NRAP: variants seen among roughly 807,000 people sequenced by gnomAD.
The protein encoded by NRAP is nebulin related anchoring protein, also known as nebulin-related-anchoring protein.
Under a neutral mutation model 225.9 loss-of-function variants are expected in NRAP, and 189 were observed. The ratio of observed to expected loss-of-function variants is 0.84; its 90% CI spans 0.74 to 0.94. The LOEUF is 0.94. Among genes scored for constraint, NRAP ranks in the 40% least tolerant of loss-of-function variants. The pLI is 0.00. For synonymous variants in NRAP, 769 were observed against 790.7 expected (o/e 0.97, Z 0.46); for missense variants, 2,176 against 2,168.7 (o/e 1.00, Z -0.07).
In NRAP at chr10:113,654,056, C is replaced by A. The variant is rs1398626640; in HGVS notation, c.430G>T (p.Val144Leu). The A allele has an allele frequency of 1.9e-6, 3 of 1,613,748 alleles. No homozygotes were observed. Among genetic ancestry groups the A allele is most frequent in the Admixed American group, 3.3e-5 (2 of 59,994 alleles). The change falls in exon 5 of 42, where the codon GTA (valine) becomes TTA (leucine). Residue 144 changes from valine (V) to leucine (L), a missense_variant. This residue lies in a region of NRAP where 1,708 missense variants were observed against 1,695.5 expected (regional missense o/e 1.01). Transcript: ENST00000359988. Reference sequence around the variant, plus strand: ...GACTTTCGAGCCTCAACCATCCTTACAATTTCGGGGTCTGGCAGAGCTCCT... The same window carrying A: ...GACTTTCGAGCCTCAACCATCCTTAAAATTTCGGGGTCTGGCAGAGCTCCT... ...CPGALPDPEIVRMVEARKSLG... is the reference protein window; with the variant it reads ...CPGALPDPEILRMVEARKSLG...
intron 14 of NRAP, among the ~76,000 whole-genome samples, chr10:113,636,022 C>T (rs1848848615): frequency 6.6e-6 from 1 of 152,308 alleles, no homozygotes; most frequent in South Asian, 2.1e-4. Flanking sequence ...CCAGATTGGG[C>T]CTGTTGCCAG....
chr10:113,651,734 C>A, intron 7 of NRAP, 69 bp downstream of exon 7: 1 of 876,988 alleles, frequency 1.1e-6, no homozygotes, highest in South Asian at 1.4e-5. Context: ...CAGCACTATT[C>A]ACAAGAGCAA....
Position 113,612,249 on chromosome 10 carries a change from G to C in NRAP, c.3483C>G (p.His1161Gln). Residue 1161 changes from histidine to glutamine, a missense_variant, in exon 30 of 42, where the codon CAC becomes CAG. By Grantham distance (24) the His-to-Gln change is conservative (BLOSUM62 0). Coordinates refer to ENST00000359988, the MANE Select transcript of NRAP (RefSeq NM_198060.4). The stretch of plus-strand genomic sequence containing the variant: ...GTCTCCTTACCTCACTCTGCAATTT[G>C]TGAGCTTTCTTGGCACAGCTCAGCC... ...DLRLSCAKKAHKLQSENLYRS... is the reference protein window; with the variant it reads ...DLRLSCAKKAQKLQSENLYRS... 6.2e-7 allele frequency: 1 copy of C among 1,614,078 alleles called. No homozygotes were observed. The highest frequency in any genetic ancestry group is 1.1e-5 in the South Asian group (1 of 91,078).
rs763809316 is a variant in NRAP at position 113,614,887 on chromosome 10, A to G, written c.3138T>C (p.Asp1046=). 13 of 1,613,318 alleles carry G rather than the reference A, an allele frequency of 8.1e-6. No homozygotes were observed. The highest frequency in any genetic ancestry group is 3.3e-5 in the Admixed American group (2 of 59,986). ...CCTTTGCTGCTTGGAATGGAAGGGC[A>G]TCCAACCTCAGTTTATAGCCACCAT... ...LRDGGYKLRL[D]ALPFQAAKAS... Residue 1046 remains aspartate (D), a synonymous_variant, in exon 28 of 42, where the codon GAT becomes GAC. Coordinates refer to ENST00000359988, the MANE Select transcript of NRAP (RefSeq NM_198060.4).
chr10:113,632,787 C>T (rs1335829296), intron 16 of NRAP, among the ~76,000 whole-genome samples: 1 of 152,344 alleles, frequency 6.6e-6, no homozygotes. Flanking sequence ...TTCCTCCACA[C>T]AGCAAATCAC....
chr10:113,646,836 T>C (rs1849541097), intron 10 of NRAP, 87 bp downstream of exon 10: 1 of 888,204 alleles, frequency 1.1e-6, no homozygotes, highest in African/African-American at 1.6e-5. Flanking sequence ...ATAATAAATG[T>C]ATCTGTGTGT....
rs769370526 is a variant in NRAP at position 113,634,099 on chromosome 10, G to T, written c.1527+13C>A. ...AGACCCCTACATCCAGCTGGGCAGG[G>T]ACAGTTACTTACATGACTCAGCTGC... On this transcript the variant is annotated intron_variant, in intron 15 of 41. Transcript: ENST00000359988. 2.5e-6 allele frequency: 4 copies of T among 1,585,626 alleles called. No homozygotes were observed. The highest frequency in any genetic ancestry group is 1.7e-6 in the Non-Finnish European group (2 of 1,154,084).
intron 14 of NRAP, among the ~76,000 whole-genome samples, chr10:113,639,829 A>T (rs937826186): frequency 2.0e-5 from 3 of 152,216 alleles, no homozygotes; most frequent in African/African-American, 7.2e-5. Context: ...CTCAACTTGT[A>T]TGTAGACATT....
chr10:113,647,126 C>A, intron 9 of NRAP, 99 bp from the exon 10 acceptor site: 1 of 787,210 alleles, frequency 1.3e-6, no homozygotes. Context: ...CACAGAGGTT[C>A]ATCCACCTTG....
At chr10:113,613,333 T>C (rs1404024709) in intron 29 of NRAP, among the ~76,000 whole-genome samples, 1 of 151,996 alleles carries the variant, frequency 6.6e-6, no homozygotes, top group Non-Finnish European at 1.5e-5. Flanking sequence ...GGAAAGACCA[T>C]GAGAGGTAGA....
intron 37 of NRAP, 85 bp from the exon 38 acceptor site, chr10:113,595,812 C>T: frequency 1.1e-6 from 1 of 900,076 alleles, no homozygotes; most frequent in Non-Finnish European, 1.8e-6. Context: ...CTTTCCTGCC[C>T]CTCCCACCTG....
chr10:113,614,143 TG>T, intron 29 of NRAP, 39 bp downstream of exon 29: 1 of 1,339,752 alleles, frequency 7.5e-7, no homozygotes, highest in Non-Finnish European at 1.1e-6. Flanking sequence ...CGTTGTCAGG[TG>T]GGGGCCCTGC....
intron 14 of NRAP, among the ~76,000 whole-genome samples, chr10:113,639,360 A>T (rs1849067422): frequency 6.6e-6 from 1 of 152,182 alleles, no homozygotes; most frequent in East Asian, 1.9e-4. Flanking sequence ...TACTGCCCCA[A>T]CTCTGAGCAA....
At chr10:113,644,960 A>G (rs3121474) in intron 11 of NRAP, among the ~76,000 whole-genome samples, 133,215 of 152,180 alleles carry the variant, frequency 0.88, 58,383 homozygotes, top group East Asian at 0.91. Flanking sequence ...ACACTAGGGC[A>G]TGAGAAGGAT....
At position 113,604,823 on chromosome 10, in the gene NRAP, C is replaced by A. The variant is rs1466559392; in HGVS notation, c.4013G>T (p.Gly1338Val). 4 of 1,614,184 alleles carry A rather than the reference C, an allele frequency of 2.5e-6. No homozygotes were observed. The highest frequency in any genetic ancestry group is 1.7e-5 in the Admixed American group (1 of 60,012). Residue 1338 changes from glycine (G) to valine (V), a missense_variant, in exon 35 of 42, where the codon GGC (glycine) becomes GTC (valine). Coordinates refer to ENST00000359988, the MANE Select transcript of NRAP (RefSeq NM_198060.4). ...GTACTGAAGCTCGCTCTGCAGCTGG[C>A]CCATGCGCCGGCAGTGCTGGATCCG... The part of the protein sequence containing the change: ...DPRIQHCRRM[G>V]QLQSELQYRR...
At chr10:113,600,079 C>G (rs1023139398) in intron 35 of NRAP, among the ~76,000 whole-genome samples, 1 of 151,902 alleles carries the variant, frequency 6.6e-6, no homozygotes, top group Non-Finnish European at 1.5e-5. Flanking sequence ...CAATCAAGAC[C>G]TTGTGTAGAG....
chr10:113,623,400 A>G (rs1564727767), intron 23 of NRAP, 129 bp downstream of exon 23: 1 of 556,812 alleles, frequency 1.8e-6, no homozygotes, highest in Non-Finnish European at 3.3e-6. Context: ...GATTGCTATC[A>G]TCTCCATTTT....
chr10:113,617,069 T>C (rs888980425), intron 26 of NRAP, among the ~76,000 whole-genome samples: 18 of 152,310 alleles, frequency 1.2e-4, no homozygotes, highest in African/African-American at 4.3e-4. Flanking sequence ...TTGCTGCCCT[T>C]GGGTCCTAAA....
At chr10:113,627,663 A>G (rs957637242) in intron 20 of NRAP, among the ~76,000 whole-genome samples, 2 of 152,252 alleles carry the variant, frequency 1.3e-5, no homozygotes, top group African/African-American at 4.8e-5. Flanking sequence ...CAGTGGAAAT[A>G]TAAGAGTAAA....
Sources: gnomAD v4.1 joint callset for allele counts (sites outside exome capture counted in the v4.1 genomes callset) on GRCh38, gnomAD v4.1.1 for gene constraint, gnomAD v4.1.1 regional missense constraint, MANE v1.5 for transcripts, NCBI Gene and HGNC (gene_info 2026-07-23, HGNC 2026-07-21) for gene names.